CELF4: variants seen among roughly 807,000 people sequenced by gnomAD.
CELF4 encodes CUG-BP- and ETR-3-like factor 4.
In CELF4, 18 loss-of-function variants were observed where a neutral mutation model predicts 59.9. The ratio of observed to expected loss-of-function variants is 0.30; its 90% CI spans 0.21 to 0.45. The LOEUF (loss-of-function observed/expected upper bound fraction) is 0.45, where lower values mean the gene tolerates loss of function less well. Ranked by LOEUF, CELF4 falls within the 20% of genes least tolerant of loss-of-function variation. The pLI, the probability that CELF4 is intolerant of heterozygous loss-of-function variation, is 1.00. For missense variants in CELF4, 456 were observed against 689.0 expected, an observed-to-expected ratio of 0.66 and a Z score of 3.79; for synonymous variants, 261 against 267.1, an observed-to-expected ratio of 0.98 and a Z score of 0.22.
chr18:37,258,442 TTTCA>T (rs2071675704), intron 11 of CELF4, among the ~76,000 whole-genome samples: 1 of 152,134 alleles, frequency 6.6e-6, no homozygotes, highest in African/African-American at 2.4e-5. Flanking sequence ...TTCCTTGTCG[TTTCA>T]TTATTAGGTG....
At position 37,466,290 on chromosome 18, in the gene CELF4, T is replaced by C. The variant is rs535285349; in HGVS notation, c.369+19235A>G. Reference sequence around the variant, plus strand: ...GAAGAAGGAATAAACACCCATCACATTAATAAGAGTTTGGGAGAAGTGAGG... The same window carrying C: ...GAAGAAGGAATAAACACCCATCACACTAATAAGAGTTTGGGAGAAGTGAGG... On this transcript the variant is annotated intron_variant, in intron 2 of 12. Transcript: ENST00000420428. Among the ~76,000 whole-genome samples the C allele has an allele frequency of 5.9e-4, 90 of 152,264 alleles. 2 individuals carry two copies. In the South Asian group the frequency reaches 0.012, roughly 20 times the overall value.
intron 2 of CELF4, among the ~76,000 whole-genome samples, chr18:37,455,258 C>A (rs187734321): frequency 7.9e-5 from 12 of 152,312 alleles, no homozygotes; most frequent in African/African-American, 2.9e-4. Context: ...AAAGGATGAA[C>A]CATACCAAGT....
At chr18:37,472,480 G>T (rs554991863) in intron 2 of CELF4, among the ~76,000 whole-genome samples, 1 of 152,382 alleles carries the variant, frequency 6.6e-6, no homozygotes, top group South Asian at 2.1e-4. Flanking sequence ...AGCAAGAGTG[G>T]CAGCTGTAGA....
chr18:37,373,123 T>G (rs1603630367), intron 2 of CELF4, among the ~76,000 whole-genome samples: 2 of 152,254 alleles, frequency 1.3e-5, no homozygotes, highest in African/African-American at 4.8e-5. Flanking sequence ...AGACTGAGGC[T>G]GGAGTGGACG....
chr18:37,245,361 T>G lies in CELF4; in HGVS notation c.*45-164A>C, dbSNP rs572135479. Among the ~76,000 whole-genome samples the G allele has an allele frequency of 9.2e-5, 14 of 152,020 alleles. No individual in the cohort carries two copies. In the South Asian group the frequency reaches 2.9e-3, roughly 32 times the overall value. On this transcript the variant is annotated intron_variant, in intron 12 of 12. Coordinates refer to ENST00000420428, the MANE Select transcript of CELF4 (RefSeq NM_020180.4). The surrounding 1 kb of genome is among the most constrained non-coding windows in gnomAD (Gnocchi z 4.1). Reference sequence around the variant, plus strand: ...AGAATTAGTCATGATCATGATACATTAAAAAGAAATATACTCTTCTATTCA... The same window carrying G: ...AGAATTAGTCATGATCATGATACATGAAAAAGAAATATACTCTTCTATTCA...
chr18:37,270,956 G>A (rs376257995), intron 7 of CELF4, 39 bp from the exon 8 acceptor site: 6 of 1,545,172 alleles, frequency 3.9e-6, no homozygotes, highest in South Asian at 2.4e-5. Flanking sequence ...GAGGAGGGGA[G>A]GCAAGCAGAA....
intron 2 of CELF4, among the ~76,000 whole-genome samples, chr18:37,456,573 C>T (rs879650255): frequency 6.6e-6 from 1 of 152,158 alleles, no homozygotes; most frequent in African/African-American, 2.4e-5. Flanking sequence ...TGCAGGGCCA[C>T]ATCTTTCCCA....
At chr18:37,356,758 A>T (rs2098593502) in intron 2 of CELF4, among the ~76,000 whole-genome samples, 1 of 152,178 alleles carries the variant, frequency 6.6e-6, no homozygotes, top group African/African-American at 2.4e-5. Flanking sequence ...GAGCTTCAGT[A>T]ACTTGCCTGA....
intron 3 of CELF4, among the ~76,000 whole-genome samples, chr18:37,286,990 G>A (rs1382368245): frequency 6.6e-6 from 1 of 152,064 alleles, no homozygotes; most frequent in South Asian, 2.1e-4. Flanking sequence ...TAGCACCAGC[G>A]GCTGCCCCTG....
At chr18:37,471,160 C>A (rs1387773951) in intron 2 of CELF4, among the ~76,000 whole-genome samples, 3 of 152,006 alleles carry the variant, frequency 2.0e-5, no homozygotes, top group Non-Finnish European at 4.4e-5. Context: ...TGCCCGAAAC[C>A]AAGTGAGTAG....
chr18:37,431,045 G>A (rs2099649001), intron 2 of CELF4, among the ~76,000 whole-genome samples: 1 of 152,200 alleles, frequency 6.6e-6, no homozygotes. Context: ...GCAAGTATAG[G>A]GAGGAAAGGA....
intron 12 of CELF4, among the ~76,000 whole-genome samples, chr18:37,248,478 C>A (rs982561652): frequency 1.3e-5 from 2 of 152,130 alleles, no homozygotes; most frequent in Non-Finnish European, 2.9e-5. Flanking sequence ...GGAGGGTCCC[C>A]TGCAGGGGGC....
chr18:37,451,680 G>A (rs753811555), intron 2 of CELF4, among the ~76,000 whole-genome samples: 35 of 152,146 alleles, frequency 2.3e-4, no homozygotes, highest in Non-Finnish European at 4.1e-4. Flanking sequence ...AGGGGTCTCC[G>A]GGAGGGCAGT....
intron 2 of CELF4, among the ~76,000 whole-genome samples, chr18:37,467,015 G>A (rs954935415): frequency 2.0e-5 from 3 of 152,124 alleles, no homozygotes; most frequent in Admixed American, 1.3e-4. Context: ...AGTGGGAGGC[G>A]GTGGGGATTG....
In CELF4 at chr18:37,555,414, T is replaced by C. The variant is rs2099984491; in HGVS notation, c.286+9942A>G. ...ACCGGTCACTCAGGGACGCCTCTGT[T>C]TCCCCGGTCTCCTTGCAGGAGTTCA... On this transcript the variant is annotated intron_variant, in intron 1 of 12. Coordinates refer to ENST00000420428, the MANE Select transcript of CELF4 (RefSeq NM_020180.4). 1.3e-5 allele frequency among the ~76,000 whole-genome samples: 2 copies of C among 152,182 alleles called. 1 individual carries two copies. Among genetic ancestry groups the C allele is most frequent in the African/African-American group, 4.8e-5 (2 of 41,436 alleles).
At chr18:37,381,477 C>T (rs972159186) in intron 2 of CELF4, among the ~76,000 whole-genome samples, 3 of 152,114 alleles carry the variant, frequency 2.0e-5, no homozygotes, top group African/African-American at 7.2e-5. Flanking sequence ...AGGCAGGAAG[C>T]TCCTTGAGGT....
At chr18:37,305,683 G>A (rs2096352185) in intron 3 of CELF4, 1 of 152,278 alleles carries the variant, frequency 6.6e-6, no homozygotes, top group African/African-American at 2.4e-5. Flanking sequence ...ACCCCAGCAA[G>A]TGAGCTCATG....
rs867841606 is a variant in CELF4 at position 37,486,762 on chromosome 18, C to G, written c.287-1155G>C. On this transcript the variant is annotated intron_variant, in intron 1 of 12. Coordinates refer to ENST00000420428, the MANE Select transcript of CELF4 (RefSeq NM_020180.4). ...GCCTCTCTTGTTCCTCTCTCTCTCA[C>G]GTGATCTTATCCAAGGCCACATCCC... Among the ~76,000 whole-genome samples the G allele has an allele frequency of 3.9e-5, 6 of 152,220 alleles. No homozygotes were observed. The East Asian group carries it at 1.2e-3, about 29-fold the overall frequency.
At chr18:37,497,526 C>G (rs2099926504) in intron 1 of CELF4, among the ~76,000 whole-genome samples, 1 of 152,102 alleles carries the variant, frequency 6.6e-6, no homozygotes, top group Non-Finnish European at 1.5e-5. Flanking sequence ...GTGGCATGTG[C>G]CTGTAATCCC....
Sources: allele counts gnomAD v4.1 joint callset (sites outside exome capture counted in the v4.1 genomes callset), GRCh38; gene constraint gnomAD v4.1.1; non-coding constraint Gnocchi (gnomAD v3.1); transcripts MANE v1.5; gene names NCBI Gene and HGNC (gene_info 2026-07-23, HGNC 2026-07-21).